The following WNK1 variants were observed in gnomAD, a reference collection of about 807,000 sequenced individuals.
The protein encoded by WNK1 is serine/threonine-protein kinase WNK1.
WNK1 carries 38 observed loss-of-function variants against 222.8 expected under a neutral mutation model. The observed-to-expected ratio is 0.17, with a 90% CI of 0.13 to 0.22. The LOEUF (loss-of-function observed/expected upper bound fraction) is 0.22, where lower values mean the gene tolerates loss of function less well. Ranked by LOEUF, WNK1 falls within the 10% of genes least tolerant of loss-of-function variation. The pLI is 1.00. For synonymous variants in WNK1, 1,090 were observed against 1,092.9 expected (o/e 1.00, Z 0.05); for missense variants, 2,348 against 2,918.4 (o/e 0.80, Z 4.50).
chr12:862,593 A>G lies in WNK1; in HGVS notation c.2139+323A>G, dbSNP rs2154066937. Among the ~76,000 whole-genome samples, 4 of 152,358 alleles carry G rather than the reference A, an allele frequency of 2.6e-5. No homozygotes were observed. The South Asian group carries it at 8.3e-4, about 32-fold the overall frequency. On this transcript the variant is annotated intron_variant, in intron 8 of 27. Transcript: ENST00000315939. ...ATACAAATGTTTTGCGGGTGGGGCG[A>G]GAAGAGTTTTTCAAAAGCTTGTTAA...
In WNK1 at chr12:774,139, C is replaced by T. The variant is rs73041115; in HGVS notation, c.759+19815C>T. On this transcript the variant is annotated intron_variant, in intron 1 of 27. Transcript: ENST00000315939. ...CTACACCGCTTGTCATTGACATGCC[C>T]ATTTATGTAAGTCTGGAAGGTTTCT... is the stretch of plus-strand genomic sequence containing the variant. Among the ~76,000 whole-genome samples, 1,051 of 152,160 alleles carry T rather than the reference C, an allele frequency of 6.9e-3. 4 individuals are homozygous for T. The highest frequency in any genetic ancestry group is 0.011 in the South Asian group (51 of 4,818).
chr12:778,739 A>G (rs182117546), intron 1 of WNK1, among the ~76,000 whole-genome samples: 17 of 152,132 alleles, frequency 1.1e-4, no homozygotes, highest in South Asian at 2.1e-4. Context: ...TTATTAAAAT[A>G]TAAAATGATA....
intron 25 of WNK1, among the ~76,000 whole-genome samples, chr12:898,568 A>G (rs1215865306): frequency 1.3e-5 from 2 of 151,828 alleles, no homozygotes; most frequent in African/African-American, 2.4e-5. Context: ...TAGTATATAT[A>G]TATATTTATT....
intron 22 of WNK1, among the ~76,000 whole-genome samples, chr12:891,837 A>G (rs1243527317): frequency 6.6e-6 from 1 of 151,704 alleles, no homozygotes; most frequent in Non-Finnish European, 1.5e-5. Context: ...GGCTGAGACG[A>G]GGATTGCCTG....
At chr12:847,342 G>T (rs900327594) in intron 4 of WNK1, among the ~76,000 whole-genome samples, 1 of 152,124 alleles carries the variant, frequency 6.6e-6, no homozygotes, top group African/African-American at 2.4e-5. Flanking sequence ...TAGATACTTT[G>T]TAATTGCTAC....
chr12:782,325 T>A (rs1943792658), intron 1 of WNK1, among the ~76,000 whole-genome samples: 1 of 152,206 alleles, frequency 6.6e-6, no homozygotes, highest in Non-Finnish European at 1.5e-5. Context: ...TGTCCTGTAG[T>A]ACATCTTATT....
rs760393707 is a variant in WNK1, at chr12:885,734, C to T, written c.4930C>T (p.Pro1644Ser). The T allele has an allele frequency of 5.6e-6, 9 of 1,614,050 alleles. No individual in the cohort carries two copies. The South Asian group carries it at 6.6e-5, about 12-fold the overall frequency. Residue 1644 changes from proline (P) to serine (S), a missense_variant, in exon 19 of 28, where the codon CCC becomes TCC. By Grantham distance (74) the Pro-to-Ser change is moderately conservative. This residue lies in a region of WNK1 where 1,144 missense variants were observed against 1,273.6 expected (regional missense o/e 0.90). Coordinates refer to ENST00000315939, the MANE Select transcript of WNK1 (RefSeq NM_018979.4). The stretch of plus-strand genomic sequence containing the variant: ...TCCTGAAGTAGATTCTGATACACAA[C>T]CCAAAGCTCCTGGAATTGATGACAT... ...HCPEVDSDTQPKAPGIDDIKT... is the reference protein window; with the variant it reads ...HCPEVDSDTQSKAPGIDDIKT...
chr12:774,335 C>T (rs1370678155), intron 1 of WNK1, among the ~76,000 whole-genome samples: 1 of 152,146 alleles, frequency 6.6e-6, no homozygotes, highest in Non-Finnish European at 1.5e-5. Context: ...CAGCATCTAC[C>T]TCTCAAACTC....
chr12:816,989 A>G (rs1292953103), intron 2 of WNK1, among the ~76,000 whole-genome samples: 1 of 152,206 alleles, frequency 6.6e-6, no homozygotes, highest in Non-Finnish European at 1.5e-5. Context: ...GAAAAAAAAG[A>G]CAGGCATAAT....
At chr12:854,081 A>G (rs1405375181) in intron 4 of WNK1, among the ~76,000 whole-genome samples, 1 of 151,806 alleles carries the variant, frequency 6.6e-6, no homozygotes, top group Non-Finnish European at 1.5e-5. Flanking sequence ...CAAAATAATC[A>G]GAAGGGCCAA....
chr12:872,246 C>T (rs1465244865), intron 9 of WNK1, among the ~76,000 whole-genome samples: 3 of 152,232 alleles, frequency 2.0e-5, no homozygotes, highest in East Asian at 1.9e-4. Context: ...ACGCCTCAGC[C>T]GCCCGAGTAG....
At chr12:826,877 T>A (rs1948400366) in intron 2 of WNK1, among the ~76,000 whole-genome samples, 165 bp from the exon 3 acceptor site, 1 of 152,230 alleles carries the variant, frequency 6.6e-6, no homozygotes. Context: ...TTTTAAACTA[T>A]CATAGCCCTG....
At chr12:892,345 G>A (rs765347395) in intron 22 of WNK1, among the ~76,000 whole-genome samples, 2 of 151,986 alleles carry the variant, frequency 1.3e-5, no homozygotes, top group African/African-American at 4.8e-5. Context: ...AACTTACTCA[G>A]ATCTCACAAG....
At chr12:857,966 T>G (rs1950913395) in intron 5 of WNK1, among the ~76,000 whole-genome samples, 1 of 152,226 alleles carries the variant, frequency 6.6e-6, no homozygotes, top group South Asian at 2.1e-4. Flanking sequence ...AATCTACCAC[T>G]TGAAGAATGA....
chr12:779,397 G>GTTTTTTTTTTTTTTTTTT (rs5795950), intron 1 of WNK1, among the ~76,000 whole-genome samples: 4 of 124,274 alleles, frequency 3.2e-5, no homozygotes, highest in Admixed American at 8.2e-5. Flanking sequence ...TTTCTTTTCT[G>GTTTTTTTTTTTTTTTTTT]TTTTTTTTTT....
intron 4 of WNK1, among the ~76,000 whole-genome samples, chr12:849,511 T>C (rs1273663434): frequency 6.6e-6 from 1 of 152,184 alleles, no homozygotes; most frequent in East Asian, 1.9e-4. Flanking sequence ...TTGAGACTTT[T>C]ATAGGAGGGA....
chr12:910,692 G>GAATC lies in WNK1; in HGVS notation c.*1902_*1905dup, dbSNP rs983058641. The GAATC allele has an allele frequency of 3.3e-5, 5 of 152,376 alleles. No homozygotes were observed. The highest frequency in any genetic ancestry group is 1.2e-4 in the African/African-American group (5 of 41,400). 9.4% of individuals were successfully genotyped at this position (152,376 alleles called of 1,614,324 possible). A position where few individuals can be genotyped will look rare whatever the true frequency, so the allele number is the denominator to read the frequency against. The stretch of plus-strand genomic sequence containing the variant: ...TACCCACGTCAATGGCATATTCTGG[G>GAATC]AATCACCACCACCACCACCACTACC... On this transcript the variant is annotated 3_prime_UTR_variant, in exon 28 of 28. Transcript: ENST00000315939.
chr12:875,236 CA>C (rs2154077082), intron 9 of WNK1, among the ~76,000 whole-genome samples: 1 of 152,242 alleles, frequency 6.6e-6, no homozygotes, highest in Non-Finnish European at 1.5e-5. Context: ...ATATGATTAC[CA>C]TATGCCCAAA....
chr12:837,572 T>TAAAAAA (rs530005542), intron 4 of WNK1, among the ~76,000 whole-genome samples: 1 of 123,664 alleles, frequency 8.1e-6, no homozygotes, highest in South Asian at 2.5e-4. Context: ...AGACCCTGTC[T>TAAAAAA]AAAAAAAAAA....
Sources: gnomAD v4.1 joint callset for allele counts (sites outside exome capture counted in the v4.1 genomes callset) on GRCh38, gnomAD v4.1.1 for gene constraint, gnomAD v4.1.1 regional missense constraint, MANE v1.5 for transcripts, NCBI Gene and HGNC (gene_info 2026-07-23, HGNC 2026-07-21) for gene names.